SLC41A3: variants seen among roughly 807,000 people sequenced by gnomAD.
SLC41A3 encodes the protein SLC41A1-like 2.
A neutral mutation model predicts 45.4 loss-of-function variants in SLC41A3; 44 were observed. The observed-to-expected ratio is 0.97, with a 90% CI of 0.76 to 1.25. The LOEUF (loss-of-function observed/expected upper bound fraction) is 1.25. Among genes scored for constraint, SLC41A3 ranks in the 50% most tolerant of loss-of-function variants. The probability of loss-of-function intolerance (pLI) is 0.00; values close to 1 mark genes in which losing one functional copy is unlikely to be tolerated. For synonymous variants in SLC41A3, 256 were observed against 252.4 expected, an observed-to-expected ratio of 1.01 and a Z score of -0.13; for missense variants, 550 against 600.6, an observed-to-expected ratio of 0.92 and a Z score of 0.88.
At chr3:126,037,181 C>T (rs1013109872) in intron 3 of SLC41A3, among the ~76,000 whole-genome samples, 1 of 152,128 alleles carries the variant, frequency 6.6e-6, no homozygotes, top group South Asian at 2.1e-4. Context: ...GAGTCTAGCA[C>T]CTCCTTCCCT....
At chr3:126,067,496 G>C in intron 2 of SLC41A3, 1 of 378,406 alleles carries the variant, frequency 2.6e-6, no homozygotes, top group Non-Finnish European at 5.2e-6. Flanking sequence ...CTGAAGACAC[G>C]GAGAAAAGGC....
chr3:126,041,270 G>C (rs1390761987), intron 3 of SLC41A3, among the ~76,000 whole-genome samples: 2 of 151,174 alleles, frequency 1.3e-5, no homozygotes, highest in African/African-American at 2.5e-5. Context: ...GAGTTATGGA[G>C]GGGGGGTGGG....
intron 2 of SLC41A3, among the ~76,000 whole-genome samples, chr3:126,064,643 T>C (rs1944257800): frequency 6.6e-6 from 1 of 152,096 alleles, no homozygotes; most frequent in African/African-American, 2.4e-5. Context: ...CCCAGTCTTC[T>C]CTCTCTGCCC....
intron 5 of SLC41A3, chr3:126,024,027 C>T (rs143456971): frequency 5.3e-5 from 8 of 152,244 alleles, no homozygotes; most frequent in Admixed American, 1.3e-4. Flanking sequence ...AATCCGAGTT[C>T]GCACGCTGAT....
Position 126,016,742 on chromosome 3 carries a change from C to T in SLC41A3, c.879G>A (p.Met293Ile), listed in dbSNP as rs1333372931. ...TGGCTCCTGCTCACCTGCTGATGACCATGGCCAGGATGATTGGGAACCAGC... is the reference window on the plus strand; with the variant it reads ...TGGCTCCTGCTCACCTGCTGATGACTATGGCCAGGATGATTGGGAACCAGC... Reference protein sequence around the residue: ...KFGWFPIILAMVISSFGGLIL... With the variant: ...KFGWFPIILAIVISSFGGLIL... Residue 293 changes from methionine to isoleucine, a missense_variant, in exon 7 of 11, where the codon ATG becomes ATA. By Grantham distance (10) the Met-to-Ile change is conservative. Coordinates refer to ENST00000360370, the MANE Select transcript of SLC41A3 (RefSeq NM_017836.4). 3.1e-6 allele frequency: 5 copies of T among 1,609,970 alleles called. No individual in the cohort carries two copies. In the African/African-American group the frequency reaches 5.3e-5, roughly 17 times the overall value.
intron 1 of SLC41A3, among the ~76,000 whole-genome samples, chr3:126,082,384 G>A (rs1034915862): frequency 6.6e-6 from 1 of 152,222 alleles, no homozygotes; most frequent in African/African-American, 2.4e-5. Flanking sequence ...TGTCCCGACA[G>A]GGGGTGATAC....
chr3:126,038,531 C>T (rs1010933079), intron 3 of SLC41A3, among the ~76,000 whole-genome samples: 7 of 152,204 alleles, frequency 4.6e-5, no homozygotes, highest in Admixed American at 4.6e-4. Context: ...GTCTGCTGGG[C>T]TTCAGACTTG....
chr3:126,011,935 C>T (rs1485058141), intron 9 of SLC41A3, among the ~76,000 whole-genome samples: 1 of 152,170 alleles, frequency 6.6e-6, no homozygotes, highest in African/African-American at 2.4e-5. Context: ...TTTTCAAAGC[C>T]AACAAAAAGA....
intron 4 of SLC41A3, among the ~76,000 whole-genome samples, chr3:126,030,549 C>T (rs926252204): frequency 3.3e-5 from 5 of 152,152 alleles, no homozygotes; most frequent in African/African-American, 1.2e-4. Context: ...TTATTTTCTA[C>T]TGGGGTCTCC....
chr3:126,035,848 C>T (rs1503072), intron 3 of SLC41A3, among the ~76,000 whole-genome samples: 26,268 of 151,968 alleles, frequency 0.17, 2,396 homozygotes, highest in Middle Eastern at 0.27. Flanking sequence ...AGGGGGCTCT[C>T]GGGGGAGCAG....
chr3:126,037,290 A>G (rs773918641), intron 3 of SLC41A3, among the ~76,000 whole-genome samples: 7 of 152,328 alleles, frequency 4.6e-5, no homozygotes, highest in East Asian at 1.9e-4. Context: ...TGCCACCACT[A>G]TGATTCTTGT....
chr3:126,076,706 T>C (rs1028218121), intron 1 of SLC41A3, among the ~76,000 whole-genome samples: 2 of 152,218 alleles, frequency 1.3e-5, no homozygotes, highest in African/African-American at 4.8e-5. Flanking sequence ...CCCGAGGTGA[T>C]ACTAGCCTCA....
chr3:126,054,138 A>G (rs1943514645), intron 2 of SLC41A3, among the ~76,000 whole-genome samples: 1 of 152,138 alleles, frequency 6.6e-6, no homozygotes, highest in Non-Finnish European at 1.5e-5. Flanking sequence ...CCCATCACTC[A>G]GCCACCTGTA....
At chr3:126,011,001 T>A (rs1939647601) in intron 9 of SLC41A3, among the ~76,000 whole-genome samples, 1 of 152,296 alleles carries the variant, frequency 6.6e-6, no homozygotes, top group Admixed American at 6.5e-5. Context: ...ATACCCAAAA[T>A]GTCTGGATTC....
In SLC41A3 at chr3:126,056,743, G is replaced by T; in HGVS notation, c.274-5693C>A. 4 of 1,418,762 alleles carry T rather than the reference G, an allele frequency of 2.8e-6. 1 individual carries two copies. The South Asian group carries it at 6.3e-5, about 22-fold the overall frequency. The allele number at this position is 1,418,762 out of a possible 1,614,324, so 87.9% of individuals were successfully genotyped here. A position where few individuals can be genotyped will look rare whatever the true frequency, so the allele number is the denominator to read the frequency against. The stretch of plus-strand genomic sequence containing the variant: ...CTCGGCTGAGGGCCAGCACAGATGA[G>T]TGAGGAACAAAGGCCAGTGTGACTC... On this transcript the variant is annotated intron_variant, in intron 2 of 10. Coordinates refer to ENST00000360370, the MANE Select transcript of SLC41A3 (RefSeq NM_017836.4).
At chr3:126,072,026 C>A (rs1217880066) in intron 1 of SLC41A3, among the ~76,000 whole-genome samples, 2 of 152,044 alleles carry the variant, frequency 1.3e-5, no homozygotes, top group African/African-American at 4.8e-5. Context: ...CTGCTCACCT[C>A]GGCCTCCCAA....
At chr3:126,095,630 T>A (rs191283769) in intron 1 of SLC41A3, among the ~76,000 whole-genome samples, 1 of 152,334 alleles carries the variant, frequency 6.6e-6, no homozygotes, top group East Asian at 1.9e-4. Flanking sequence ...CCATAATAAA[T>A]CTGTTCCTAT....
intron 1 of SLC41A3, among the ~76,000 whole-genome samples, chr3:126,079,736 T>C (rs1460893521): frequency 6.6e-6 from 1 of 152,178 alleles, no homozygotes; most frequent in Non-Finnish European, 1.5e-5. Context: ...AAAACAATTC[T>C]AAAATTTATA....
At chr3:126,048,908 C>A (rs1943140202) in intron 3 of SLC41A3, among the ~76,000 whole-genome samples, 1 of 147,932 alleles carries the variant, frequency 6.8e-6, no homozygotes, top group African/African-American at 2.5e-5. Context: ...CAATTTATAC[C>A]TTAAGACTGA....
Sources: allele counts gnomAD v4.1 joint callset (sites outside exome capture counted in the v4.1 genomes callset), GRCh38; gene constraint gnomAD v4.1.1; transcripts MANE v1.5; gene names NCBI Gene and HGNC (gene_info 2026-07-23, HGNC 2026-07-21).